SUPT3H: variants seen among roughly 807,000 people sequenced by gnomAD.
SUPT3H encodes SPT3 homolog, SAGA and STAGA complex component, also known as transcription initiation protein SPT3 homolog.
Under a neutral mutation model 44.3 loss-of-function variants are expected in SUPT3H, and 44 were observed. That is an observed-to-expected ratio of 0.99 (90% CI 0.78 to 1.28). The LOEUF (loss-of-function observed/expected upper bound fraction) is 1.28. SUPT3H is among the 50% of genes most tolerant of loss of function. SUPT3H has a pLI of 0.00. For synonymous variants in SUPT3H, 124 were observed against 125.6 expected, an observed-to-expected ratio of 0.99 and a Z score of 0.09; for missense variants, 380 against 387.1, an observed-to-expected ratio of 0.98 and a Z score of 0.15.
rs527362074 is a variant in SUPT3H at position 45,234,676 on chromosome 6, T to C, written c.102-128670A>G. Among the ~76,000 whole-genome samples, 23 of 152,306 alleles carry C rather than the reference T, an allele frequency of 1.5e-4. 1 individual carries two copies. Among genetic ancestry groups the C allele is most frequent in the Non-Finnish European group, 3.1e-4 (21 of 68,012 alleles). On this transcript the variant is annotated intron_variant, in intron 2 of 10. Transcript: ENST00000371459. ...TTTAAAAACTTATTTTTTCCTTACC[T>C]AGTCACAACCCTTATAGCATGCCAA...
At chr6:45,032,005 T>G (rs1787012798) in intron 3 of SUPT3H, among the ~76,000 whole-genome samples, 1 of 152,324 alleles carries the variant, frequency 6.6e-6, no homozygotes, top group African/African-American at 2.4e-5. Flanking sequence ...CCAAAGACAG[T>G]TGCAAAATGG....
intron 2 of SUPT3H, among the ~76,000 whole-genome samples, chr6:45,179,486 A>G (rs1228608031): frequency 2.6e-5 from 4 of 152,244 alleles, no homozygotes; most frequent in Admixed American, 6.5e-5. Context: ...TCAATAAAAT[A>G]CTGGCAAACC....
rs550125550 is a variant in SUPT3H, at chr6:44,958,726, C to A, written c.580+3027G>T. On this transcript the variant is annotated intron_variant, in intron 7 of 10. Coordinates refer to ENST00000371459, the MANE Select transcript of SUPT3H (RefSeq NM_003599.4). ...CTTAACAAGTTAACTATCAGCTTAC[C>A]ATTTCCTACCCAACTAAACAATCAT... 5.1e-4 allele frequency among the ~76,000 whole-genome samples: 78 copies of A among 152,006 alleles called. 1 individual carries two copies. Among genetic ancestry groups the A allele is most frequent in the South Asian group, 1.2e-3 (6 of 4,812 alleles).
chr6:45,200,928 G>T (rs772901106), intron 2 of SUPT3H, among the ~76,000 whole-genome samples: 1 of 151,300 alleles, frequency 6.6e-6, no homozygotes, highest in African/African-American at 2.4e-5. Context: ...CAAAATCAAA[G>T]TTTCTCTCTT....
At chr6:45,001,687 C>T (rs767735180) in intron 6 of SUPT3H, among the ~76,000 whole-genome samples, 1 of 151,924 alleles carries the variant, frequency 6.6e-6, no homozygotes. Flanking sequence ...TTCATACATG[C>T]TAGGGGAGAA....
chr6:44,848,896 C>T (rs1772365915), intron 10 of SUPT3H, among the ~76,000 whole-genome samples: 1 of 152,218 alleles, frequency 6.6e-6, no homozygotes, highest in Non-Finnish European at 1.5e-5. Context: ...ACTTCATTCC[C>T]CCCAACCTTC....
chr6:45,364,129 T>G (rs931047247), intron 2 of SUPT3H, among the ~76,000 whole-genome samples: 5 of 151,152 alleles, frequency 3.3e-5, no homozygotes, highest in Admixed American at 6.6e-5. Context: ...AAAAAAAAAT[T>G]TAATAATAAA....
At chr6:44,973,656 T>C (rs1364931656) in intron 6 of SUPT3H, among the ~76,000 whole-genome samples, 1 of 152,188 alleles carries the variant, frequency 6.6e-6, no homozygotes, top group Non-Finnish European at 1.5e-5. Flanking sequence ...ATTTCCTATA[T>C]TAATCTGTTT....
At chr6:45,253,122 C>T (rs926356435) in intron 2 of SUPT3H, among the ~76,000 whole-genome samples, 2 of 151,768 alleles carry the variant, frequency 1.3e-5, no homozygotes, top group African/African-American at 4.8e-5. Context: ...AAAATAAGTA[C>T]TATAAACATA....
At chr6:44,904,305 A>T (rs536512186) in intron 10 of SUPT3H, among the ~76,000 whole-genome samples, 2 of 152,350 alleles carry the variant, frequency 1.3e-5, no homozygotes, top group East Asian at 1.9e-4. Flanking sequence ...TAAGCTGATA[A>T]GCAACTTCAG....
intron 3 of SUPT3H, among the ~76,000 whole-genome samples, chr6:45,025,957 A>G (rs930084880): frequency 4.6e-5 from 7 of 151,894 alleles, no homozygotes; most frequent in Admixed American, 4.6e-4. Context: ...AAAGTATTTT[A>G]ATGAGACTTC....
At chr6:44,818,425 A>C (rs1767053325) in intron 11 of SUPT3H, among the ~76,000 whole-genome samples, 1 of 152,188 alleles carries the variant, frequency 6.6e-6, no homozygotes, top group Non-Finnish European at 1.5e-5. Context: ...GGTTTCTTAC[A>C]TAAGACATAC....
chr6:45,277,879 C>T (rs1420756525), intron 2 of SUPT3H, among the ~76,000 whole-genome samples: 1 of 152,092 alleles, frequency 6.6e-6, no homozygotes, highest in African/African-American at 2.4e-5. Context: ...TTTTAAATGT[C>T]ATTTCAAAAG....
At chr6:45,224,069 T>G (rs1766500758) in intron 2 of SUPT3H, among the ~76,000 whole-genome samples, 1 of 149,664 alleles carries the variant, frequency 6.7e-6, no homozygotes, top group Admixed American at 6.7e-5. Flanking sequence ...GAAAAAAAAT[T>G]CCATAAAGAA....
intron 2 of SUPT3H, among the ~76,000 whole-genome samples, chr6:45,175,120 C>T (rs569857703): frequency 4.0e-5 from 6 of 150,396 alleles, no homozygotes; most frequent in African/African-American, 1.5e-4. Context: ...GAACTTCCTA[C>T]TATATCACTT....
chr6:44,863,666 G>A (rs546743825), intron 10 of SUPT3H, among the ~76,000 whole-genome samples: 34 of 152,124 alleles, frequency 2.2e-4, no homozygotes, highest in Admixed American at 1.5e-3. Flanking sequence ...AGAGGTTGTC[G>A]GGGGCCAGAT....
intron 2 of SUPT3H, among the ~76,000 whole-genome samples, chr6:45,215,083 T>C (rs184351212): frequency 7.8e-4 from 118 of 152,182 alleles, no homozygotes; most frequent in African/African-American, 2.7e-3. Context: ...TGATATCAAA[T>C]AGAGCTGAAG....
At chr6:45,218,855 AAGAT>A (rs1440090761) in intron 2 of SUPT3H, among the ~76,000 whole-genome samples, 1 of 152,232 alleles carries the variant, frequency 6.6e-6, no homozygotes, top group Non-Finnish European at 1.5e-5. Flanking sequence ...AATATTCACT[AAGAT>A]AGACCACGTC....
At chr6:45,104,164 T>C (rs1285930434) in intron 3 of SUPT3H, among the ~76,000 whole-genome samples, 1 of 152,052 alleles carries the variant, frequency 6.6e-6, no homozygotes, top group Non-Finnish European at 1.5e-5. Flanking sequence ...GGTAGATATG[T>C]GGGTAAATAC....
Sources: allele counts gnomAD v4.1 joint callset (sites outside exome capture counted in the v4.1 genomes callset), GRCh38; gene constraint gnomAD v4.1.1; transcripts MANE v1.5; gene names NCBI Gene and HGNC (gene_info 2026-07-23, HGNC 2026-07-21).